The following CIC variants were observed in gnomAD, a reference collection of about 807,000 sequenced individuals.
CIC encodes the protein capicua transcriptional repressor.
In CIC, 18 loss-of-function variants were observed where a neutral mutation model predicts 115.7. That is an observed-to-expected ratio of 0.16 (90% CI 0.11 to 0.23). The LOEUF is 0.23. Among genes scored for constraint, CIC ranks in the 10% least tolerant of loss-of-function variants. CIC has a pLI of 1.00. For synonymous variants in CIC, 1,076 were observed against 923.0 expected, an observed-to-expected ratio of 1.17 and a Z score of -3.01; for missense variants, 2,000 against 2,159.3, an observed-to-expected ratio of 0.93 and a Z score of 1.46.
rs965597036 is a variant in CIC, at chr19:42,292,483, C to T, written c.5902+17C>T. The T allele has an allele frequency of 6.8e-6, 11 of 1,611,112 alleles. No homozygotes were observed. The highest frequency in any genetic ancestry group is 9.3e-6 in the Non-Finnish European group (11 of 1,179,104). ...TGCTCTCAGGTGAGGGGCGGCCTGG[C>T]AGGCAGTGCTGGGGACCCAGGGTGG... On this transcript the variant is annotated intron_variant, in intron 14 of 20. Coordinates refer to ENST00000681038, the MANE Select transcript of CIC (RefSeq NM_001386298.1).
In CIC at chr19:42,295,091, C is replaced by T; in HGVS notation, c.7454C>T (p.Pro2485Leu). The change falls in exon 21 of 21, where the codon CCT becomes CTT. Residue 2485 changes from proline to leucine, a missense_variant. Pro to Leu is a moderately conservative substitution (Grantham distance 98). Around this residue, in one of 8 missense-constraint regions of CIC, gnomAD observed 133 missense variants for 116.0 expected, o/e 1.15. Coordinates refer to ENST00000681038, the MANE Select transcript of CIC (RefSeq NM_001386298.1). ...ACGGCCCAGGCTGCCCCGCCACTGCCTCCACCCCCAGAGTCGGGGCCTGGA... is the reference window on the plus strand; with the variant it reads ...ACGGCCCAGGCTGCCCCGCCACTGCTTCCACCCCCAGAGTCGGGGCCTGGA... ...SGTAQAAPPL[P>L]PPPESGPGQP... 1 of 1,529,198 alleles carries T rather than the reference C, an allele frequency of 6.5e-7. No individual in the cohort carries two copies. Among genetic ancestry groups the T allele is most frequent in the Non-Finnish European group, 8.7e-7 (1 of 1,143,370 alleles). The allele number at this position is 1,529,198 out of a possible 1,614,324, so 94.7% of individuals were successfully genotyped here. A position where few individuals can be genotyped will look rare whatever the true frequency, so the allele number is the denominator to read the frequency against.
At chr19:42,291,500 G>A (rs1340313447) in intron 11 of CIC, 34 bp downstream of exon 11, 4 of 1,612,978 alleles carry the variant, frequency 2.5e-6, no homozygotes, top group Admixed American at 1.7e-5. Flanking sequence ...TAGGGGAGGG[G>A]CCATAGTCCT....
chr19:42,293,390 G>A, intron 16 of CIC, 109 bp downstream of exon 16: 11 of 1,373,544 alleles, frequency 8.0e-6, no homozygotes, highest in Non-Finnish European at 1.1e-5. Flanking sequence ...TGTCTCTCAG[G>A]TTAAAGGGTC....
In CIC at chr19:42,289,327, G is replaced by C. The variant is rs757465509; in HGVS notation, c.4008G>C (p.Gln1336His). Residue 1336 changes from glutamine to histidine, a missense_variant, in exon 9 of 21, where the codon CAG (glutamine) becomes CAC (histidine). Gln to His is a conservative substitution (Grantham distance 24). Coordinates refer to ENST00000681038, the MANE Select transcript of CIC (RefSeq NM_001386298.1). ...PLLPTRASRS[Q>H]RAASEDMTSD... is the part of the protein sequence containing the mutation. ...TGCCCACCCGAGCTTCTCGTTCTCA[G>C]CGTGCGGCCAGTGAGGACATGACGA... 4 of 1,613,938 alleles carry C rather than the reference G, an allele frequency of 2.5e-6. No individual in the cohort carries two copies. Among genetic ancestry groups the C allele is most frequent in the Admixed American group, 3.3e-5 (2 of 59,978 alleles).
chr19:42,273,252 C>T lies in CIC; in HGVS notation c.1469C>T (p.Pro490Leu). The change falls in exon 2 of 21, where the codon CCC becomes CTC. Residue 490 changes from proline to leucine, a missense_variant. By Grantham distance (98) the Pro-to-Leu change is moderately conservative. This residue lies in a region of CIC where 222 missense variants were observed against 247.7 expected (regional missense o/e 0.90). Transcript: ENST00000681038. ...KYKKGDVVCT[P>L]SGIRKKFNGK... ...AAGAAGGGCGATGTGGTCTGCACAC[C>T]CAGCGGAATACGAAAGAAGTTCAAC... The T allele has an allele frequency of 5.0e-6, 2 of 398,616 alleles. No individual in the cohort carries two copies. The highest frequency in any genetic ancestry group is 8.8e-6 in the Non-Finnish European group (2 of 226,024). The allele number at this position is 398,616 out of a possible 1,614,324, so 24.7% of individuals were successfully genotyped here.
Position 42,294,621 on chromosome 19 carries a change from G to A in CIC, c.7072G>A (p.Val2358Met), listed in dbSNP as rs1269420975. 3.7e-6 allele frequency: 6 copies of A among 1,613,640 alleles called. No individual in the cohort carries two copies. Among genetic ancestry groups the A allele is most frequent in the South Asian group, 1.1e-5 (1 of 91,088 alleles). ...FDRTGTEAED[V>M]LGELEYDKVP... is the part of the protein sequence containing the mutation. ...CTGCACAGGTACAGAAGCCGAGGACGTGCTTGGGGAGCTAGAGTATGACAA... is the reference window on the plus strand; with the variant it reads ...CTGCACAGGTACAGAAGCCGAGGACATGCTTGGGGAGCTAGAGTATGACAA... The change falls in exon 20 of 21, where the codon GTG becomes ATG. Residue 2358 changes from valine to methionine, a missense_variant. By Grantham distance (21) the Val-to-Met change is conservative. Around this residue, in one of 8 missense-constraint regions of CIC, gnomAD observed 99 missense variants for 217.6 expected, o/e 0.45. Transcript: ENST00000681038.
chr19:42,277,386 C>T (rs1279214654), intron 2 of CIC, among the ~76,000 whole-genome samples: 11 of 152,150 alleles, frequency 7.2e-5, no homozygotes, highest in Non-Finnish European at 1.3e-4. Context: ...TGTGCCACCA[C>T]GCCCGGCTAA....
chr19:42,279,336 A>G (rs1453768691), intron 2 of CIC, among the ~76,000 whole-genome samples: 1 of 152,194 alleles, frequency 6.6e-6, no homozygotes, highest in Non-Finnish European at 1.5e-5. Context: ...AGGAAGGCAG[A>G]TGTGGATGCA....
At chr19:42,288,812 T>C (rs2037854418) in intron 7 of CIC, 76 bp from the exon 8 acceptor site, 3 of 1,338,736 alleles carry the variant, frequency 2.2e-6, no homozygotes, top group South Asian at 1.2e-5. Flanking sequence ...CCTAGAAATA[T>C]CTATGGGTTG....
intron 18 of CIC, 22 bp downstream of exon 18, chr19:42,294,111 A>G (rs779887456): frequency 5.0e-6 from 8 of 1,613,652 alleles, no homozygotes; most frequent in Non-Finnish European, 6.8e-6. Context: ...TTGGGCACCC[A>G]GGGTCCTTAG....
Position 42,291,265 on chromosome 19 carries a change from C to T in CIC, c.5224C>T (p.Pro1742Ser), listed in dbSNP as rs2147270478. The change falls in exon 11 of 21, where the codon CCC becomes TCC. Residue 1742 changes from proline to serine, a missense_variant. Pro to Ser is a moderately conservative substitution (Grantham distance 74). Around this residue, in one of 8 missense-constraint regions of CIC, gnomAD observed 1,466 missense variants for 1,390.4 expected, o/e 1.05. Coordinates refer to ENST00000681038, the MANE Select transcript of CIC (RefSeq NM_001386298.1). ...GGTACAGTACATCCTGCCCACGCTG[C>T]CCCAGCAGCTTCAGGTGGCACCTGC... ...TQVQYILPTL[P>S]QQLQVAPAPA... 6.2e-7 allele frequency: 1 copy of T among 1,612,622 alleles called. No individual in the cohort carries two copies. Among genetic ancestry groups the T allele is most frequent in the Non-Finnish European group, 8.5e-7 (1 of 1,179,752 alleles).
intron 2 of CIC, among the ~76,000 whole-genome samples, chr19:42,279,587 G>A (rs546868272): frequency 2.8e-4 from 42 of 152,260 alleles, no homozygotes; most frequent in Admixed American, 4.6e-4. Context: ...CATGAACTCC[G>A]AGTGGCTAGT....
chr19:42,290,722 G>A lies in CIC; in HGVS notation c.4681G>A (p.Ala1561Thr), dbSNP rs770323488. 6.1e-5 allele frequency: 98 copies of A among 1,612,364 alleles called. No homozygotes were observed. Among genetic ancestry groups the A allele is most frequent in the African/African-American group, 2.4e-4 (18 of 74,886 alleles). ...CGGAGCCAGAGTGCCCTCCGCCCCC[G>A]CCCCATCACTGGCCTATGGGGCCCC... Reference protein sequence around the residue: ...GGGARVPSAPAPSLAYGAPAA... With the variant: ...GGGARVPSAPTPSLAYGAPAA... Residue 1561 changes from alanine (A) to threonine (T), a missense_variant, in exon 11 of 21, where the codon GCC becomes ACC. Physicochemically the swap from Ala to Thr is moderately conservative, Grantham distance 58. Around this residue, in one of 8 missense-constraint regions of CIC, gnomAD observed 1,466 missense variants for 1,390.4 expected, o/e 1.05. Transcript: ENST00000681038.
At position 42,273,406 on chromosome 19, in the gene CIC, C is replaced by T. The variant is rs910651694; in HGVS notation, c.1623C>T (p.Gly541=). Residue 541 remains glycine (G), a synonymous_variant, in exon 2 of 21, where the codon GGC becomes GGT. Coordinates refer to ENST00000681038, the MANE Select transcript of CIC (RefSeq NM_001386298.1). ...EMEGLADSGP[G]GAGRPAAVAA... Reference sequence around the variant, plus strand: ...AAGGCCTGGCAGACAGTGGGCCTGGCGGGGCGGGCCGGCCCGCGGCCGTGG... The same window carrying T: ...AAGGCCTGGCAGACAGTGGGCCTGGTGGGGCGGGCCGGCCCGCGGCCGTGG... 2 of 398,288 alleles carry T rather than the reference C, an allele frequency of 5.0e-6. No homozygotes were observed. Among genetic ancestry groups the T allele is most frequent in the Admixed American group, 4.4e-5 (1 of 22,732 alleles). The allele number at this position is 398,288 out of a possible 1,614,324, so 24.7% of individuals were successfully genotyped here.
At position 42,290,363 on chromosome 19, in the gene CIC, C is replaced by T. The variant is rs2037991505; in HGVS notation, c.4322C>T (p.Pro1441Leu). Reference protein sequence around the residue: ...VAFGKGYGSAPSSSASSPASS... With the variant: ...VAFGKGYGSALSSSASSPASS... Reference sequence around the variant, plus strand: ...TTTGGCAAAGGCTATGGTTCCGCCCCATCCTCCTCTGCGTCCTCGCCTGCT... The same window carrying T: ...TTTGGCAAAGGCTATGGTTCCGCCCTATCCTCCTCTGCGTCCTCGCCTGCT... The change falls in exon 11 of 21, where the codon CCA becomes CTA. Residue 1441 changes from proline to leucine, a missense_variant. By Grantham distance (98) the Pro-to-Leu change is moderately conservative. This residue lies in a region of CIC where 1,466 missense variants were observed against 1,390.4 expected (regional missense o/e 1.05). Coordinates refer to ENST00000681038, the MANE Select transcript of CIC (RefSeq NM_001386298.1). 1 of 1,614,154 alleles carries T rather than the reference C, an allele frequency of 6.2e-7. No individual in the cohort carries two copies. Among genetic ancestry groups the T allele is most frequent in the Non-Finnish European group, 8.5e-7 (1 of 1,180,000 alleles).
chr19:42,283,980 GGCTTGCGC>G (rs2037401401), intron 2 of CIC: 1 of 149,942 alleles, frequency 6.7e-6, no homozygotes, highest in Non-Finnish European at 1.5e-5. Flanking sequence ...CGGGGGGCCG[GGCTTGCGC>G]GGAAGGCCGC....
rs1345146289 is a variant in CIC, at chr19:42,290,671, C to T, written c.4630C>T (p.Pro1544Ser). 6.2e-7 allele frequency: 1 copy of T among 1,613,358 alleles called. No individual in the cohort carries two copies. ...CATCCTGCAGACACTGGTGCTGCCC[C>T]CAAACAAGGAGGAGCAAGAGGGCGG... ...GNILQTLVLP[P>S]NKEEQEGGGA... is the part of the protein sequence containing the mutation. Residue 1544 changes from proline (P) to serine (S), a missense_variant, in exon 11 of 21, where the codon CCA becomes TCA. Pro to Ser is a moderately conservative substitution (Grantham distance 74). This residue lies in a region of CIC where 1,466 missense variants were observed against 1,390.4 expected (regional missense o/e 1.05). Transcript: ENST00000681038.
Position 42,273,009 on chromosome 19 carries a change from G to A in CIC, c.1226G>A (p.Gly409Asp). 2 of 399,034 alleles carry A rather than the reference G, an allele frequency of 5.0e-6. No individual in the cohort carries two copies. Among genetic ancestry groups the A allele is most frequent in the Non-Finnish European group, 8.8e-6 (2 of 226,328 alleles). 24.7% of individuals were successfully genotyped at this position (399,034 alleles called of 1,614,324 possible). A position where few individuals can be genotyped will look rare whatever the true frequency, so the allele number is the denominator to read the frequency against. The stretch of plus-strand genomic sequence containing the variant: ...GAGGAGAAGCACCCTCCAGCCCTGG[G>A]TACCCCAGCCCTGCTCCCACTGCCC... The part of the protein sequence containing the change: ...EGEEKHPPAL[G>D]TPALLPLPPP... Residue 409 changes from glycine to aspartate, a missense_variant, in exon 2 of 21, where the codon GGT (glycine) becomes GAT (aspartate). By Grantham distance (94) the Gly-to-Asp change is moderately conservative. This residue lies in a region of CIC where 222 missense variants were observed against 247.7 expected (regional missense o/e 0.90). Transcript: ENST00000681038.
rs1006767329 is a variant in CIC, at chr19:42,272,161, C to T, written c.378C>T (p.His126=). ...RAPKKKYVEE[H]GAGSSGVAGA... is the part of the protein sequence containing the mutation. Reference sequence around the variant, plus strand: ...CCAAGAAGAAGTATGTGGAGGAGCACGGAGCTGGCAGCAGTGGGGTGGCTG... The same window carrying T: ...CCAAGAAGAAGTATGTGGAGGAGCATGGAGCTGGCAGCAGTGGGGTGGCTG... Residue 126 remains histidine, a synonymous_variant, in exon 2 of 21, where the codon CAC becomes CAT. Transcript: ENST00000681038. 2.8e-5 allele frequency: 11 copies of T among 398,942 alleles called. No individual in the cohort carries two copies. Among genetic ancestry groups the T allele is most frequent in the African/African-American group, 1.2e-4 (6 of 48,644 alleles). The allele number at this position is 398,942 out of a possible 1,614,324, so 24.7% of individuals were successfully genotyped here.
Sources: gnomAD v4.1 joint callset for allele counts (sites outside exome capture counted in the v4.1 genomes callset) on GRCh38, gnomAD v4.1.1 for gene constraint, gnomAD v4.1.1 regional missense constraint, MANE v1.5 for transcripts, NCBI Gene and HGNC (gene_info 2026-07-23, HGNC 2026-07-21) for gene names.